The following PDLIM3 variants were observed in gnomAD, a reference collection of about 807,000 sequenced individuals.
The protein encoded by PDLIM3 is PDZ and LIM domain 3, also known as PDZ and LIM domain protein 3.
A neutral mutation model predicts 37.3 loss-of-function variants in PDLIM3; 36 were observed. The ratio of observed to expected loss-of-function variants is 0.97; its 90% CI spans 0.74 to 1.28. The LOEUF is 1.28. Ranked by LOEUF, PDLIM3 falls within the 50% of genes most tolerant of loss-of-function variation. PDLIM3 has a pLI of 0.00. For missense variants in PDLIM3, 454 were observed against 485.0 expected, an observed-to-expected ratio of 0.94 and a Z score of 0.60; for synonymous variants, 174 against 182.4, an observed-to-expected ratio of 0.95 and a Z score of 0.37.
chr4:185,532,023 A>G lies in PDLIM3; in HGVS notation c.93+3319T>C, dbSNP rs182064425. ...TGAGGCAGGAGAATCGCTTGAACCC[A>G]GGAGGCAGAGGTTGCAGTGAGGCGA... On this transcript the variant is annotated intron_variant, in intron 1 of 7. Coordinates refer to ENST00000284767, the MANE Select transcript of PDLIM3 (RefSeq NM_014476.6). Among the ~76,000 whole-genome samples, 489 of 151,716 alleles carry G rather than the reference A, an allele frequency of 3.2e-3. 4 individuals are homozygous for G. Among genetic ancestry groups the G allele is most frequent in the African/African-American group, 0.011 (470 of 41,382 alleles).
chr4:185,501,621 T>C lies in PDLIM3; in HGVS notation c.*673A>G, dbSNP rs2095687166. The C allele has an allele frequency of 6.6e-6, 1 of 152,524 alleles. No individual in the cohort carries two copies. Among genetic ancestry groups the C allele is most frequent in the Non-Finnish European group, 1.5e-5 (1 of 68,282 alleles). 9.4% of individuals were successfully genotyped at this position (152,524 alleles called of 1,614,324 possible). ...ATTTTGTGCTCATAAGAAAGAGTAATGAGTTATAAAACCTGAAGAAGCCAC... is the reference window on the plus strand; with the variant it reads ...ATTTTGTGCTCATAAGAAAGAGTAACGAGTTATAAAACCTGAAGAAGCCAC... On this transcript the variant is annotated 3_prime_UTR_variant, in exon 8 of 8. Transcript: ENST00000284767.
At chr4:185,512,732 T>C in intron 4 of PDLIM3, 3 of 985,016 alleles carry the variant, frequency 3.0e-6, no homozygotes, top group Non-Finnish European at 3.6e-6. Flanking sequence ...CTGAAAAGAA[T>C]GCAAGTGATT....
intron 1 of PDLIM3, 128 bp from the exon 2 acceptor site, chr4:185,525,299 C>A: frequency 1.1e-6 from 1 of 896,432 alleles, no homozygotes; most frequent in Non-Finnish European, 1.8e-6. Flanking sequence ...GTAAATCTAA[C>A]TAAAGATAAC....
chr4:185,520,130 G>A (rs182687922), intron 3 of PDLIM3, among the ~76,000 whole-genome samples: 1 of 152,206 alleles, frequency 6.6e-6, no homozygotes, highest in South Asian at 2.1e-4. Flanking sequence ...TTTTGTTCTG[G>A]TTTACGCTAA....
chr4:185,508,614 C>T (rs1459643862), intron 4 of PDLIM3, 52 bp from the exon 5 acceptor site: 2 of 1,597,762 alleles, frequency 1.3e-6, no homozygotes, highest in Admixed American at 3.3e-5. Context: ...GCCAGACAGT[C>T]CAGACAGAAG....
chr4:185,513,638 CG>C (rs2095710218), intron 4 of PDLIM3: 1 of 988,088 alleles, frequency 1.0e-6, no homozygotes, highest in South Asian at 4.7e-5. Flanking sequence ...GGAATCAATC[CG>C]GTCTAACCAC....
chr4:185,529,452 GA>G (rs1363068297), intron 1 of PDLIM3, among the ~76,000 whole-genome samples: 1 of 152,202 alleles, frequency 6.6e-6, no homozygotes, highest in Non-Finnish European at 1.5e-5. Context: ...AATAGTTATG[GA>G]GCAAGACAAG....
chr4:185,510,391 A>G (rs1349382747), intron 4 of PDLIM3, among the ~76,000 whole-genome samples: 1 of 152,176 alleles, frequency 6.6e-6, no homozygotes, highest in Non-Finnish European at 1.5e-5. Context: ...GCCATGTTTT[A>G]TAGCGGTTAT....
At chr4:185,531,632 C>T (rs530531698) in intron 1 of PDLIM3, among the ~76,000 whole-genome samples, 1 of 152,144 alleles carries the variant, frequency 6.6e-6, no homozygotes, top group African/African-American at 2.4e-5. Context: ...GTATTGCTGT[C>T]GTCTGTATTT....
Position 185,514,337 on chromosome 4 carries a change from C to T in PDLIM3, c.331G>A (p.Asp111Asn), listed in dbSNP as rs143725812. 1.9e-6 allele frequency: 3 copies of T among 1,614,164 alleles called. No individual in the cohort carries two copies. The highest frequency in any genetic ancestry group is 2.5e-6 in the Non-Finnish European group (3 of 1,180,016). The stretch of plus-strand genomic sequence containing the variant: ...TGCTTGTGTTCAAAGTAGTTCCCGT[C>T]CTGTGAAAACAAAGCGTTAAAAAGG... ...FKINLESEPQ[D>N]GNYFEHKHNI... Residue 111 changes from aspartate to asparagine, a missense_variant and splice_region_variant, in exon 4 of 8, where the codon GAC becomes AAC. Coordinates refer to ENST00000284767, the MANE Select transcript of PDLIM3 (RefSeq NM_014476.6). The surrounding 1 kb of genome is among the most constrained non-coding windows in gnomAD (Gnocchi z 4.0).
chr4:185,504,553 GCTCTCACA>G lies in PDLIM3; in HGVS notation c.819_826del (p.Val274SerfsTer19), dbSNP rs2095693495. ...ACCGCCATGGACTTTCGTCACCGGA[GCTCTCACA>G]CTCCGCGTTCCAGCCGGACGGTCAT... On this transcript the variant is annotated frameshift_variant, in exon 7 of 8. Coordinates refer to ENST00000284767, the MANE Select transcript of PDLIM3 (RefSeq NM_014476.6). LOFTEE classifies it high-confidence loss of function. This position sits in a 1 kb window ranked among gnomAD's most constrained non-coding sequence, Gnocchi z 4.7. 3 of 1,614,146 alleles carry G rather than the reference GCTCTCACA, an allele frequency of 1.9e-6. No individual in the cohort carries two copies. The South Asian group carries it at 3.3e-5, about 18-fold the overall frequency.
rs960295852 is a variant in PDLIM3 at position 185,500,849 on chromosome 4, G to T, written c.*1445C>A. The T allele has an allele frequency of 3.3e-5, 5 of 152,274 alleles. No homozygotes were observed. Among genetic ancestry groups the T allele is most frequent in the African/African-American group, 1.2e-4 (5 of 41,446 alleles). 9.4% of individuals were successfully genotyped at this position (152,274 alleles called of 1,614,324 possible). A position where few individuals can be genotyped will look rare whatever the true frequency, so the allele number is the denominator to read the frequency against. ...AGAATCCCAGAGCAATAAAACTTGT[G>T]TCCCATTTGGGACCTTATGGGAGGA... On this transcript the variant is annotated 3_prime_UTR_variant, in exon 8 of 8. Coordinates refer to ENST00000284767, the MANE Select transcript of PDLIM3 (RefSeq NM_014476.6).
At position 185,514,759 on chromosome 4, in the gene PDLIM3, A is replaced by G. The variant is rs2095712256; in HGVS notation, c.331-422T>C. 3 of 1,551,958 alleles carry G rather than the reference A, an allele frequency of 1.9e-6. No homozygotes were observed. Among genetic ancestry groups the G allele is most frequent in the Non-Finnish European group, 2.6e-6 (3 of 1,147,074 alleles). On this transcript the variant is annotated intron_variant, in intron 3 of 7. Transcript: ENST00000284767. The surrounding 1 kb of genome is among the most constrained non-coding windows in gnomAD (Gnocchi z 4.0). ...GCTGTCCGTGAAGCGCATCTTGTAT[A>G]TTGCTAGTTGAATAGAGCCCAATTG...
intron 2 of PDLIM3, 55 bp downstream of exon 2, chr4:185,524,965 G>A (rs2095730373): frequency 1.9e-6 from 3 of 1,572,948 alleles, no homozygotes; most frequent in Non-Finnish European, 2.6e-6. Flanking sequence ...TATAGTTCTG[G>A]TTCAGGTTCT....
At chr4:185,505,405 C>T (rs371360864) in intron 6 of PDLIM3, among the ~76,000 whole-genome samples, 47 of 152,218 alleles carry the variant, frequency 3.1e-4, no homozygotes, top group Middle Eastern at 6.8e-3. Flanking sequence ...GGGTGGACCA[C>T]GAGGTCAGGA....
At chr4:185,525,775 T>G (rs899522188) in intron 1 of PDLIM3, among the ~76,000 whole-genome samples, 7 of 152,124 alleles carry the variant, frequency 4.6e-5, no homozygotes, top group African/African-American at 1.7e-4. Flanking sequence ...CAGAGAGAGC[T>G]CTCAGCTCTC....
chr4:185,528,913 A>G (rs1697284602), intron 1 of PDLIM3, among the ~76,000 whole-genome samples: 3 of 152,176 alleles, frequency 2.0e-5, no homozygotes, highest in African/African-American at 7.2e-5. Context: ...ATTACTTTAT[A>G]TTATTACTTT....
intron 1 of PDLIM3, among the ~76,000 whole-genome samples, chr4:185,534,370 A>G (rs1230083768): frequency 6.6e-6 from 1 of 152,244 alleles, no homozygotes; most frequent in African/African-American, 2.4e-5. Context: ...TCTGCAACTA[A>G]AAGTATAATA....
chr4:185,514,668 G>A lies in PDLIM3; in HGVS notation c.331-331C>T, dbSNP rs757358070. On this transcript the variant is annotated intron_variant, in intron 3 of 7. Transcript: ENST00000284767. This position sits in a 1 kb window ranked among gnomAD's most constrained non-coding sequence, Gnocchi z 4.0. ...AAAAGAAACCATGCTATCACTGTTA[G>A]GTACACTGTGGCCAGAACAGAGCCG... is the stretch of plus-strand genomic sequence containing the variant. 2.0e-6 allele frequency: 3 copies of A among 1,532,476 alleles called. No individual in the cohort carries two copies. The highest frequency in any genetic ancestry group is 1.8e-6 in the Non-Finnish European group (2 of 1,133,696). The allele number at this position is 1,532,476 out of a possible 1,614,324, so 94.9% of individuals were successfully genotyped here. A position where few individuals can be genotyped will look rare whatever the true frequency, so the allele number is the denominator to read the frequency against.
Sources: gnomAD v4.1 joint callset for allele counts (sites outside exome capture counted in the v4.1 genomes callset) on GRCh38, gnomAD v4.1.1 for gene constraint, Gnocchi (gnomAD v3.1) non-coding constraint, MANE v1.5 for transcripts, NCBI Gene and HGNC (gene_info 2026-07-23, HGNC 2026-07-21) for gene names.